Variants in ASH1L observed in about 807,000 individuals in gnomAD.
ASH1L encodes the protein histone-lysine N-methyltransferase ASH1L.
Under a neutral mutation model 269.0 loss-of-function variants are expected in ASH1L, and 23 were observed. That is an observed-to-expected ratio of 0.09 (90% confidence interval 0.06 to 0.12). ASH1L has a LOEUF of 0.12. ASH1L is among the 10% of genes least tolerant of loss of function. ASH1L has a pLI of 1.00. For synonymous variants in ASH1L, 1,187 were observed against 1,253.5 expected, an observed-to-expected ratio of 0.95 and a Z score of 1.12; for missense variants, 2,912 against 3,567.8, an observed-to-expected ratio of 0.82 and a Z score of 4.68.
chr1:155,543,447 T>C (rs1479180921), intron 1 of ASH1L, among the ~76,000 whole-genome samples: 1 of 147,146 alleles, frequency 6.8e-6, no homozygotes, highest in South Asian at 2.2e-4. Flanking sequence ...GAGGCAGAGG[T>C]TGCAGTGAGC....
chr1:155,460,244 C>T (rs1223733161), intron 3 of ASH1L, among the ~76,000 whole-genome samples: 2 of 152,074 alleles, frequency 1.3e-5, no homozygotes, highest in Non-Finnish European at 2.9e-5. Flanking sequence ...ATATTTTAAC[C>T]AAATCTGTTC....
chr1:155,479,147 T>C lies in ASH1L; in HGVS notation c.3723A>G (p.Leu1241=). 6.2e-7 allele frequency: 1 copy of C among 1,614,176 alleles called. No homozygotes were observed. The highest frequency in any genetic ancestry group is 1.1e-5 in the South Asian group (1 of 91,080). ...SLIPPETSTV[L]SSLKEKHKHK... ...GTTTATGTTTTTCTTTAAGACTGCTTAGCACTGTAGAGGTTTCAGGGGGAA... is the reference window on the plus strand; with the variant it reads ...GTTTATGTTTTTCTTTAAGACTGCTCAGCACTGTAGAGGTTTCAGGGGGAA... The change falls in exon 3 of 28, where the codon CTA becomes CTG. Residue 1241 remains leucine, a synonymous_variant. Coordinates refer to ENST00000392403, the MANE Select transcript of ASH1L (RefSeq NM_018489.3).
chr1:155,522,260 G>C (rs1668941522), intron 1 of ASH1L, among the ~76,000 whole-genome samples: 1 of 152,100 alleles, frequency 6.6e-6, no homozygotes, highest in South Asian at 2.1e-4. Context: ...TTTGTTGTTA[G>C]GATACAATTC....
chr1:155,556,434 GTGTGTA>G (rs937002411), intron 1 of ASH1L, among the ~76,000 whole-genome samples: 3 of 147,836 alleles, frequency 2.0e-5, no homozygotes, highest in Admixed American at 6.9e-5. Flanking sequence ...GTGTGTGTGT[GTGTGTA>G]TGTGTATATA....
In ASH1L at chr1:155,336,371, A is replaced by ACACT. The variant is rs113407669; in HGVS notation, c.*1288_*1289insAGTG. 1 of 149,584 alleles carries ACACT rather than the reference A, an allele frequency of 6.7e-6. No individual in the cohort carries two copies. Among genetic ancestry groups the ACACT allele is most frequent in the Non-Finnish European group, 1.5e-5 (1 of 67,012 alleles). 9.3% of individuals were successfully genotyped at this position (149,584 alleles called of 1,614,324 possible). ...TGTGTGTATATATATACACACACAC[A>ACACT]TATATATATACACACACATACACAC... On this transcript the variant is annotated 3_prime_UTR_variant, in exon 28 of 28. Coordinates refer to ENST00000392403, the MANE Select transcript of ASH1L (RefSeq NM_018489.3).
chr1:155,363,776 C>A (rs1251222382), intron 12 of ASH1L, among the ~76,000 whole-genome samples: 2 of 151,180 alleles, frequency 1.3e-5, no homozygotes, highest in Non-Finnish European at 2.9e-5. Flanking sequence ...AGTTCGAGAC[C>A]AGCCTGGACA....
intron 7 of ASH1L, among the ~76,000 whole-genome samples, chr1:155,385,375 T>A (rs562064128): frequency 2.0e-5 from 3 of 151,964 alleles, no homozygotes; most frequent in African/African-American, 7.3e-5. Flanking sequence ...ACCTGGGAGG[T>A]AGAGGCTACG....
At position 155,521,445 on chromosome 1, in the gene ASH1L, G is replaced by A. The variant is rs1426521701; in HGVS notation, c.75C>T (p.Ala25=). The A allele has an allele frequency of 1.2e-6, 2 of 1,613,908 alleles. No individual in the cohort carries two copies. The highest frequency in any genetic ancestry group is 3.3e-5 in the Admixed American group (2 of 59,992). ...SEGFSRKSPS[A]ISTGTLVSKR... ...TACTGACCAATGTGCCAGTACTGAT[G>A]GCAGAAGGACTCTTTCTTGAAAAAC... Residue 25 remains alanine, a synonymous_variant, in exon 2 of 28, where the codon GCC becomes GCT. Transcript: ENST00000392403.
intron 3 of ASH1L, among the ~76,000 whole-genome samples, chr1:155,462,969 A>G (rs1394764821): frequency 6.6e-6 from 1 of 152,226 alleles, no homozygotes; most frequent in Non-Finnish European, 1.5e-5. Flanking sequence ...AACCAAGTTT[A>G]AGACTGGAAA....
chr1:155,514,721 A>G (rs1668386008), intron 2 of ASH1L, among the ~76,000 whole-genome samples: 1 of 152,174 alleles, frequency 6.6e-6, no homozygotes, highest in Admixed American at 6.6e-5. Context: ...GCGGTGGTTC[A>G]GGAAGTTTTG....
intron 7 of ASH1L, among the ~76,000 whole-genome samples, chr1:155,381,695 T>C (rs912913460): frequency 1.3e-5 from 2 of 151,180 alleles, no homozygotes; most frequent in African/African-American, 4.9e-5. Context: ...GCCAACATGG[T>C]GAAACCCCAA....
intron 1 of ASH1L, among the ~76,000 whole-genome samples, chr1:155,538,647 T>G (rs1452117847): frequency 2.0e-5 from 3 of 148,610 alleles, no homozygotes; most frequent in Non-Finnish European, 3.0e-5. Flanking sequence ...CAGCCTTTTT[T>G]TTTTTTTTTT....
chr1:155,349,869 C>T (rs1653723811), intron 17 of ASH1L, among the ~76,000 whole-genome samples: 1 of 149,700 alleles, frequency 6.7e-6, no homozygotes, highest in Non-Finnish European at 1.5e-5. Context: ...AGGCGTGTAC[C>T]ACCACGCCAA....
intron 7 of ASH1L, among the ~76,000 whole-genome samples, chr1:155,393,577 C>A (rs1658117740): frequency 6.8e-6 from 1 of 147,654 alleles, no homozygotes; most frequent in Non-Finnish European, 1.5e-5. Context: ...TTTTTTGAGA[C>A]TGAGTCTCAC....
chr1:155,386,959 T>C (rs900220299), intron 7 of ASH1L, among the ~76,000 whole-genome samples: 3 of 152,070 alleles, frequency 2.0e-5, no homozygotes, highest in African/African-American at 7.2e-5. Context: ...AGGGTTTTTA[T>C]AGTTTTGGGT....
upstream of ASH1L, chr1:155,563,054 G>A (rs777598586): frequency 2.0e-5 from 9 of 458,658 alleles, no homozygotes; most frequent in Non-Finnish European, 3.1e-5. Context: ...ATGGCGGACC[G>A]AGCCCCACGA....
chr1:155,546,794 CG>C (rs915489138), intron 1 of ASH1L, among the ~76,000 whole-genome samples: 7 of 151,694 alleles, frequency 4.6e-5, no homozygotes, highest in Non-Finnish European at 7.4e-5. Context: ...AGGTAAACAA[CG>C]CAACTGTCAT....
chr1:155,436,777 G>T (rs1362954814), intron 5 of ASH1L, among the ~76,000 whole-genome samples: 1 of 151,794 alleles, frequency 6.6e-6, no homozygotes, highest in South Asian at 2.1e-4. Context: ...TTACAGGCGT[G>T]AGCCACCACG....
Position 155,481,826 on chromosome 1 carries a change from T to G in ASH1L, c.1044A>C (p.Pro348=). ...TGCCAGACTCTTTATGCACTAAACC[T>G]GGAACAATACCAATTCCTAGCTTCT... ...SGKKLGIGIV[P]GLVHKESGKK... Residue 348 remains proline (P), a synonymous_variant, in exon 3 of 28, where the codon CCA becomes CCC. Transcript: ENST00000392403. 6.2e-7 allele frequency: 1 copy of G among 1,614,232 alleles called. No individual in the cohort carries two copies. Among genetic ancestry groups the G allele is most frequent in the Admixed American group, 1.7e-5 (1 of 60,028 alleles).
Sources: allele counts gnomAD v4.1 joint callset (sites outside exome capture counted in the v4.1 genomes callset), GRCh38; gene constraint gnomAD v4.1.1; transcripts MANE v1.5; gene names NCBI Gene and HGNC (gene_info 2026-07-23, HGNC 2026-07-21).